Variants in TTC28 observed in about 807,000 individuals in gnomAD.
TTC28 encodes the protein tetratricopeptide repeat domain 28, also known as tetratricopeptide repeat protein 28.
A neutral mutation model predicts 198.0 loss-of-function variants in TTC28; 61 were observed. The observed-to-expected ratio is 0.31, with a 90% confidence interval of 0.25 to 0.38. The LOEUF (loss-of-function observed/expected upper bound fraction) is 0.38. TTC28 is among the 10% of genes least tolerant of loss of function. The pLI is 1.00. For missense variants in TTC28, 2,678 were observed against 3,164.0 expected (o/e 0.85, Z 3.69); for synonymous variants, 1,171 against 1,297.8 (o/e 0.90, Z 2.10).
chr22:27,989,339 C>T (rs932161102), intron 21 of TTC28, among the ~76,000 whole-genome samples: 8 of 152,204 alleles, frequency 5.3e-5, no homozygotes, highest in African/African-American at 1.7e-4. Flanking sequence ...CCATTATCAT[C>T]TTATGACTCT....
At chr22:28,494,458 C>T (rs528931380) in intron 2 of TTC28, among the ~76,000 whole-genome samples, 1 of 152,172 alleles carries the variant, frequency 6.6e-6, no homozygotes, top group African/African-American at 2.4e-5. Flanking sequence ...CTTAACTAAT[C>T]AGAAACTGCC....
chr22:28,472,005 T>C (rs1037762535), intron 2 of TTC28, among the ~76,000 whole-genome samples: 22 of 150,220 alleles, frequency 1.5e-4, no homozygotes, highest in African/African-American at 4.5e-4. Flanking sequence ...AAATGATGTA[T>C]GATTGATTGA....
intron 6 of TTC28, among the ~76,000 whole-genome samples, chr22:28,129,596 C>T (rs542750095): frequency 2.0e-5 from 3 of 152,166 alleles, no homozygotes; most frequent in African/African-American, 4.8e-5. Flanking sequence ...ACCTCCCTCA[C>T]GAGGTGTGGT....
intron 12 of TTC28, among the ~76,000 whole-genome samples, chr22:28,051,392 T>C (rs1940081195): frequency 6.6e-6 from 1 of 152,228 alleles, no homozygotes; most frequent in African/African-American, 2.4e-5. Flanking sequence ...AAACATCAGT[T>C]TTCTGAAACA....
intron 2 of TTC28, among the ~76,000 whole-genome samples, chr22:28,398,007 G>C (rs1328750441): frequency 6.6e-6 from 1 of 152,118 alleles, no homozygotes; most frequent in Non-Finnish European, 1.5e-5. Context: ...ACCAGATCAG[G>C]CTGGATCCCC....
rs1485247815 is a variant in TTC28, at chr22:27,983,523, T to G, written c.6144A>C (p.Ala2048=). ...CATATTCTTCTTCATCTTTGTTGCC[T>G]GCAGGGCGGGTCTGGGGAGGCAGCT... is the stretch of plus-strand genomic sequence containing the variant. The part of the protein sequence containing the change: ...RSQLPPQTRP[A]GNKDEEEYEG... Residue 2048 remains alanine (A), a synonymous_variant, in exon 23 of 23, where the codon GCA becomes GCC. Coordinates refer to ENST00000397906, the MANE Select transcript of TTC28 (RefSeq NM_001145418.2). The G allele has an allele frequency of 1.3e-6, 2 of 1,550,646 alleles. No individual in the cohort carries two copies. Among genetic ancestry groups the G allele is most frequent in the East Asian group, 4.9e-5 (2 of 40,914 alleles).
intron 6 of TTC28, among the ~76,000 whole-genome samples, chr22:28,114,260 G>A (rs1294063079): frequency 6.6e-6 from 1 of 152,162 alleles, no homozygotes; most frequent in Non-Finnish European, 1.5e-5. Flanking sequence ...TGGGAGAAGT[G>A]GTCCCAGGTT....
chr22:28,020,487 G>A (rs1938547380), intron 13 of TTC28, among the ~76,000 whole-genome samples: 1 of 152,308 alleles, frequency 6.6e-6, no homozygotes, highest in Middle Eastern at 3.4e-3. Flanking sequence ...GAGGGGTCAG[G>A]GGCGTGGCTC....
At chr22:28,176,676 AC>A (rs1223934418) in intron 5 of TTC28, among the ~76,000 whole-genome samples, 1 of 152,340 alleles carries the variant, frequency 6.6e-6, no homozygotes, top group East Asian at 1.9e-4. Context: ...CAAATTGTAC[AC>A]CATAAATATG....
At chr22:28,101,314 G>A (rs1316304014) in intron 8 of TTC28, 34 bp from the exon 9 acceptor site, 2 of 1,497,936 alleles carry the variant, frequency 1.3e-6, no homozygotes, top group Non-Finnish European at 1.8e-6. Context: ...AGGAAACATA[G>A]AAGATGGATA....
At chr22:28,301,645 G>C (rs1282330909) in intron 3 of TTC28, among the ~76,000 whole-genome samples, 1 of 152,160 alleles carries the variant, frequency 6.6e-6, no homozygotes, top group Non-Finnish European at 1.5e-5. Context: ...CTATGAAATG[G>C]TGTGTCACTT....
chr22:28,256,267 C>A (rs919766416), intron 5 of TTC28, among the ~76,000 whole-genome samples: 1 of 151,648 alleles, frequency 6.6e-6, no homozygotes, highest in African/African-American at 2.4e-5. Flanking sequence ...ACTAAAGATA[C>A]AAAAATTAGC....
At chr22:28,491,302 C>T (rs553050759) in intron 2 of TTC28, among the ~76,000 whole-genome samples, 5 of 152,076 alleles carry the variant, frequency 3.3e-5, no homozygotes, top group East Asian at 3.9e-4. Context: ...CAAAAGAAAC[C>T]ACCATCAGAG....
intron 12 of TTC28, among the ~76,000 whole-genome samples, chr22:28,077,722 G>A (rs1379759754): frequency 6.6e-6 from 1 of 152,106 alleles, no homozygotes; most frequent in African/African-American, 2.4e-5. Flanking sequence ...TAGAAAATTT[G>A]TAAATATAGA....
chr22:27,992,004 A>G (rs1007914683), intron 19 of TTC28, among the ~76,000 whole-genome samples: 2 of 152,204 alleles, frequency 1.3e-5, no homozygotes, highest in African/African-American at 4.8e-5. Context: ...ACCTGCAGCC[A>G]TCCTGGTGGG....
intron 5 of TTC28, among the ~76,000 whole-genome samples, chr22:28,281,826 G>A (rs1213802035): frequency 6.6e-6 from 1 of 152,188 alleles, no homozygotes; most frequent in Non-Finnish European, 1.5e-5. Context: ...CCTTACTTGA[G>A]TTGCTTGGAA....
At chr22:28,516,083 T>C (rs199851220) in intron 2 of TTC28, among the ~76,000 whole-genome samples, 1 of 151,622 alleles carries the variant, frequency 6.6e-6, no homozygotes, top group East Asian at 1.9e-4. Flanking sequence ...GAGGCGGAGG[T>C]TGCAGTGAGC....
chr22:28,092,763 G>A (rs1941852101), intron 12 of TTC28, among the ~76,000 whole-genome samples: 3 of 152,108 alleles, frequency 2.0e-5, no homozygotes, highest in Admixed American at 2.0e-4. Context: ...AAGTTCTTGG[G>A]AGTTACCACC....
chr22:28,606,687 AGACT>A (rs2050741847), intron 2 of TTC28, among the ~76,000 whole-genome samples: 1 of 152,326 alleles, frequency 6.6e-6, no homozygotes, highest in East Asian at 1.9e-4. Flanking sequence ...TGCAATGTAC[AGACT>A]GACCAAAAAG....
Sources: gnomAD v4.1 joint callset for allele counts (sites outside exome capture counted in the v4.1 genomes callset) on GRCh38, gnomAD v4.1.1 for gene constraint, MANE v1.5 for transcripts, NCBI Gene and HGNC (gene_info 2026-07-23, HGNC 2026-07-21) for gene names.